Variants in FLACC1 observed in about 807,000 individuals in gnomAD.
FLACC1 encodes flagellum associated containing coiled-coil domains 1, also known as flagellum-associated coiled-coil domain-containing protein 1.
A neutral mutation model predicts 62.8 loss-of-function variants in FLACC1; 66 were observed. The observed-to-expected ratio is 1.05, with a 90% CI of 0.86 to 1.29. The LOEUF is 1.29. Ranked by LOEUF, FLACC1 falls within the 50% of genes most tolerant of loss-of-function variation. The probability of loss-of-function intolerance (pLI) is 0.00; values close to 1 mark genes in which losing one functional copy is unlikely to be tolerated. For missense variants in FLACC1, 452 were observed against 489.1 expected, an observed-to-expected ratio of 0.92 and a Z score of 0.71; for synonymous variants, 156 against 161.0, an observed-to-expected ratio of 0.97 and a Z score of 0.24.
At chr2:201,337,031 G>A (rs202189212) in intron 7 of FLACC1, among the ~76,000 whole-genome samples, 1 of 43,052 alleles carries the variant, frequency 2.3e-5, no homozygotes, top group Non-Finnish European at 5.9e-5. Context: ...CTGTTGAATT[G>A]TTTGAGTCCT....
At chr2:201,360,712 T>C (rs1021145490), upstream of FLACC1, among the ~76,000 whole-genome samples, 1 of 152,218 alleles carries the variant, frequency 6.6e-6, no homozygotes, top group African/African-American at 2.4e-5. Context: ...GAGGGGCCAC[T>C]GTTCTGAGCC....
intron 11 of FLACC1, among the ~76,000 whole-genome samples, chr2:201,303,837 TA>T (rs1282983199): frequency 6.6e-6 from 1 of 152,212 alleles, no homozygotes; most frequent in African/African-American, 2.4e-5. Flanking sequence ...ACCACATGAT[TA>T]TCTCAATAGA....
rs189571754 is a variant in FLACC1 at position 201,348,100 on chromosome 2, C to T, written c.234+154G>A. On this transcript the variant is annotated intron_variant, in intron 4 of 14. Coordinates refer to ENST00000392257, the MANE Select transcript of FLACC1 (RefSeq NM_001127391.3). ...TTCAAGTCGTGGTTCTTCCACTTAC[C>T]TGCCGTGCATAATGTGCAATATTAA... The T allele has an allele frequency of 6.6e-4, 435 of 656,340 alleles. 4 individuals are homozygous for T. The Middle Eastern group carries it at 7.8e-3, about 12-fold the overall frequency. 40.7% of individuals were successfully genotyped at this position (656,340 alleles called of 1,614,324 possible). A position where few individuals can be genotyped will look rare whatever the true frequency, so the allele number is the denominator to read the frequency against.
chr2:201,348,003 ACT>A lies in FLACC1; in HGVS notation c.234+249_234+250del, dbSNP rs745556095. On this transcript the variant is annotated intron_variant, in intron 4 of 14. Transcript: ENST00000392257. ...CTGTCATGTCCAGTTTCTCTGAGAC[ACT>A]CTGTTTGTCTTGTGCAAGGCAGGAG... The A allele has an allele frequency of 9.0e-6, 3 of 333,036 alleles. 1 individual carries two copies. The highest frequency in any genetic ancestry group is 8.9e-5 in the South Asian group (2 of 22,598). The allele number at this position is 333,036 out of a possible 1,614,324, so 20.6% of individuals were successfully genotyped here. A position where few individuals can be genotyped will look rare whatever the true frequency, so the allele number is the denominator to read the frequency against.
At chr2:201,350,544 T>C (rs560192455) in intron 3 of FLACC1, among the ~76,000 whole-genome samples, 167 bp downstream of exon 3, 4 of 151,332 alleles carry the variant, frequency 2.6e-5, no homozygotes, top group East Asian at 3.9e-4. Context: ...CCAGGCATGG[T>C]GGCGCGCACA....
chr2:201,352,352 C>T (rs890519067), intron 1 of FLACC1, among the ~76,000 whole-genome samples: 1 of 152,148 alleles, frequency 6.6e-6, no homozygotes, highest in African/African-American at 2.4e-5. Flanking sequence ...AAACAAAACC[C>T]CTATTATGAG....
intron 5 of FLACC1, among the ~76,000 whole-genome samples, chr2:201,345,154 G>A (rs543135735): frequency 6.6e-6 from 1 of 152,236 alleles, no homozygotes; most frequent in African/African-American, 2.4e-5. Flanking sequence ...GGCTGTCGGT[G>A]CTAGCTTGAC....
intron 8 of FLACC1, 54 bp from the exon 9 acceptor site, chr2:201,330,576 T>G: frequency 6.3e-7 from 1 of 1,582,226 alleles, no homozygotes; most frequent in Non-Finnish European, 8.7e-7. Context: ...ATGCACATTT[T>G]CAAATTCAAA....
chr2:201,340,975 T>C (rs891158685), intron 7 of FLACC1, among the ~76,000 whole-genome samples: 1 of 152,218 alleles, frequency 6.6e-6, no homozygotes, highest in Admixed American at 6.5e-5. Context: ...ACAATTGTAT[T>C]GGCACTCCTT....
intron 9 of FLACC1, among the ~76,000 whole-genome samples, chr2:201,313,653 A>G (rs932702553): frequency 6.6e-6 from 1 of 152,146 alleles, no homozygotes; most frequent in Non-Finnish European, 1.5e-5. Flanking sequence ...CAAAGGGCAT[A>G]TACTCTTGGG....
intron 9 of FLACC1, among the ~76,000 whole-genome samples, chr2:201,314,942 C>T (rs1413885143): frequency 6.6e-6 from 1 of 152,170 alleles, no homozygotes; most frequent in Non-Finnish European, 1.5e-5. Context: ...AACCAAGCTT[C>T]ATAAATGAAG....
rs1306270409 is a variant in FLACC1 at position 201,350,715 on chromosome 2, G to C, written c.181C>G (p.Pro61Ala). Residue 61 changes from proline to alanine, a missense_variant, in exon 3 of 15, where the codon CCA (proline) becomes GCA (alanine). Physicochemically the swap from Pro to Ala is conservative, Grantham distance 27. Around this residue, in one of 3 missense-constraint regions of FLACC1, gnomAD observed 147 missense variants for 152.7 expected, o/e 0.96. Transcript: ENST00000392257. Reference sequence around the variant, plus strand: ...ACAAAACAAAACAATACTTACTTTGGGGAAACAACAGGTTTTGTTGGTTGG... The same window carrying C: ...ACAAAACAAAACAATACTTACTTTGCGGAAACAACAGGTTTTGTTGGTTGG... ...YLQPTKPVVS[P>A]KMKIHSARQE... The C allele has an allele frequency of 6.5e-7, 1 of 1,538,204 alleles. No homozygotes were observed. Among genetic ancestry groups the C allele is most frequent in the Non-Finnish European group, 8.8e-7 (1 of 1,141,390 alleles).
intron 9 of FLACC1, among the ~76,000 whole-genome samples, chr2:201,317,402 A>C (rs537848637): frequency 1.8e-4 from 28 of 152,334 alleles, no homozygotes; most frequent in African/African-American, 6.7e-4. Context: ...CTATACACTG[A>C]CAGCGACTAA....
chr2:201,352,387 G>A (rs777086617), intron 1 of FLACC1, among the ~76,000 whole-genome samples: 28 of 152,170 alleles, frequency 1.8e-4, no homozygotes, highest in Non-Finnish European at 3.8e-4. Flanking sequence ...AAAACTATCA[G>A]ATAAACATGG....
intron 7 of FLACC1, among the ~76,000 whole-genome samples, chr2:201,338,918 C>T (rs1271755807): frequency 1.3e-5 from 2 of 152,114 alleles, no homozygotes; most frequent in Non-Finnish European, 2.9e-5. Context: ...TAAGGTAATG[C>T]TGGCCTCACA....
At chr2:201,352,513 T>C (rs907671455) in intron 1 of FLACC1, among the ~76,000 whole-genome samples, 1 of 152,178 alleles carries the variant, frequency 6.6e-6, no homozygotes, top group South Asian at 2.1e-4. Context: ...GGAGACAAGA[T>C]TGCACAAGGG....
chr2:201,363,021 T>A, the FLACC1 span, among the ~76,000 whole-genome samples: 1 of 152,126 alleles, frequency 6.6e-6, no homozygotes, highest in African/African-American at 2.4e-5. Context: ...CTAGTCTGCA[T>A]ATGTCATTGC....
At chr2:201,330,392 A>G in intron 9 of FLACC1, 78 bp downstream of exon 9, 1 of 1,370,146 alleles carries the variant, frequency 7.3e-7, no homozygotes. Flanking sequence ...TCTGGACAAA[A>G]GCTCTAGATT....
At chr2:201,304,043 C>T (rs565840039) in intron 11 of FLACC1, among the ~76,000 whole-genome samples, 28 of 152,314 alleles carry the variant, frequency 1.8e-4, no homozygotes, top group African/African-American at 6.5e-4. Flanking sequence ...CTTCTCTCAC[C>T]ACTCCTATTC....
Sources: gnomAD v4.1 joint callset for allele counts (sites outside exome capture counted in the v4.1 genomes callset) on GRCh38, gnomAD v4.1.1 for gene constraint, gnomAD v4.1.1 regional missense constraint, MANE v1.5 for transcripts, NCBI Gene and HGNC (gene_info 2026-07-23, HGNC 2026-07-21) for gene names.